Variants in CNGA3 observed in about 807,000 individuals in gnomAD.
CNGA3 encodes cyclic nucleotide-gated channel alpha-3.
A neutral mutation model predicts 46.6 loss-of-function variants in CNGA3; 42 were observed. The observed-to-expected ratio is 0.90, with a 90% CI of 0.70 to 1.17. The LOEUF (loss-of-function observed/expected upper bound fraction) is 1.17, where lower values mean the gene tolerates loss of function less well. CNGA3 is among the 50% of genes most tolerant of loss of function. The pLI, the probability that CNGA3 is intolerant of heterozygous loss-of-function variation, is 0.00. For synonymous variants in CNGA3, 394 were observed against 369.4 expected (o/e 1.07, Z -0.76); for missense variants, 893 against 890.7 (o/e 1.00, Z -0.03).
At chr2:98,360,424 G>A (rs34118499) in intron 1 of CNGA3, among the ~76,000 whole-genome samples, 1 of 152,098 alleles carries the variant, frequency 6.6e-6, no homozygotes, top group Non-Finnish European at 1.5e-5. Flanking sequence ...GGTGTAATTT[G>A]CCTGGAAATG....
chr2:98,383,699 A>C (rs1236040878), intron 5 of CNGA3, among the ~76,000 whole-genome samples: 1 of 152,194 alleles, frequency 6.6e-6, no homozygotes, highest in Non-Finnish European at 1.5e-5. Flanking sequence ...AAGCAAAGGA[A>C]TTGGATCAGA....
intron 5 of CNGA3, among the ~76,000 whole-genome samples, chr2:98,384,171 A>C (rs1172081963): frequency 2.0e-5 from 3 of 152,200 alleles, no homozygotes; most frequent in Admixed American, 6.5e-5. Context: ...TACAGGCATG[A>C]GCCACTGCGC....
chr2:98,355,024 T>C (rs1190419432), intron 1 of CNGA3, among the ~76,000 whole-genome samples: 6 of 152,242 alleles, frequency 3.9e-5, no homozygotes, highest in African/African-American at 1.2e-4. Context: ...CATGAAAGCA[T>C]GTTGGATTTT....
At chr2:98,367,473 C>T (rs565526015) in intron 1 of CNGA3, among the ~76,000 whole-genome samples, 22 of 152,116 alleles carry the variant, frequency 1.4e-4, no homozygotes, top group African/African-American at 5.3e-4. Flanking sequence ...GGATTACGGG[C>T]GTGAGCTACC....
chr2:98,366,783 C>T (rs947661481), intron 1 of CNGA3, among the ~76,000 whole-genome samples: 10 of 152,230 alleles, frequency 6.6e-5, no homozygotes, highest in African/African-American at 2.4e-4. Flanking sequence ...TGGCGGCCAC[C>T]CCTTTCCCCA....
chr2:98,366,382 G>A (rs1251093797), intron 1 of CNGA3, among the ~76,000 whole-genome samples: 1 of 152,234 alleles, frequency 6.6e-6, no homozygotes, highest in Non-Finnish European at 1.5e-5. Context: ...AGGAAGCACA[G>A]GATCAGGGAC....
chr2:98,389,524 T>G (rs1215889445), intron 5 of CNGA3, 134 bp from the exon 6 acceptor site: 4 of 802,810 alleles, frequency 5.0e-6, no homozygotes, highest in Non-Finnish European at 8.8e-6. Context: ...TGTGACTCCC[T>G]TGAGACTAAG....
At chr2:98,347,994 T>G (rs754744700) in intron 1 of CNGA3, among the ~76,000 whole-genome samples, 1 of 152,150 alleles carries the variant, frequency 6.6e-6, no homozygotes, top group African/African-American at 2.4e-5. Context: ...AGATGGTCAC[T>G]TGTGTGTGGT....
In CNGA3 at chr2:98,393,138, C is replaced by T. The variant is rs140033840; in HGVS notation, c.673+1168C>T. Among the ~76,000 whole-genome samples the T allele has an allele frequency of 2.7e-3, 411 of 152,130 alleles. 1 individual carries two copies. Among genetic ancestry groups the T allele is most frequent in the Non-Finnish European group, 4.7e-3 (318 of 67,984 alleles). On this transcript the variant is annotated intron_variant, in intron 7 of 7. Transcript: ENST00000272602. ...AATTAGCTGGACGTGTTGGTGTGTG[C>T]CTCAGGAGGCTGAGGTGAGAGGATT... is the stretch of plus-strand genomic sequence containing the variant.
chr2:98,370,099 T>C (rs1419724965), intron 2 of CNGA3, 23 bp downstream of exon 2: 2 of 1,548,622 alleles, frequency 1.3e-6, no homozygotes, highest in African/African-American at 1.4e-5. Context: ...AAGATGGGCT[T>C]TTCATTTTAT....
chr2:98,349,667 C>A (rs17429299), intron 1 of CNGA3, among the ~76,000 whole-genome samples: 17,644 of 152,164 alleles, frequency 0.12, 1,231 homozygotes, highest in Non-Finnish European at 0.16. Flanking sequence ...CTCAAAGAGA[C>A]CAGAAGCAAC....
intron 3 of CNGA3, chr2:98,378,241 G>A (rs573425525): frequency 1.3e-6 from 2 of 1,537,992 alleles, no homozygotes; most frequent in Non-Finnish European, 1.8e-6. Context: ...CCTTGCAAAA[G>A]CATTTGTTTG....
intron 1 of CNGA3, among the ~76,000 whole-genome samples, chr2:98,348,586 G>A (rs951337136): frequency 6.6e-6 from 1 of 151,996 alleles, no homozygotes; most frequent in Non-Finnish European, 1.5e-5. Context: ...TTCCCACAGC[G>A]TCCTGCTCAC....
At chr2:98,394,899 C>T (rs1692872105) in intron 7 of CNGA3, among the ~76,000 whole-genome samples, 1 of 152,176 alleles carries the variant, frequency 6.6e-6, no homozygotes, top group Non-Finnish European at 1.5e-5. Context: ...TCCTCCACTC[C>T]CTTCTTTTCA....
At chr2:98,373,655 GTC>G (rs1470499837) in intron 2 of CNGA3, among the ~76,000 whole-genome samples, 2 of 152,182 alleles carry the variant, frequency 1.3e-5, no homozygotes, top group Non-Finnish European at 2.9e-5. Flanking sequence ...CCAAAAATAA[GTC>G]TGAGTTTTCA....
chr2:98,382,073 C>T (rs772533415), intron 4 of CNGA3, among the ~76,000 whole-genome samples: 4 of 152,188 alleles, frequency 2.6e-5, no homozygotes, highest in Non-Finnish European at 1.5e-5. Context: ...GAGCTAGGAC[C>T]ATATCCAGGG....
intron 7 of CNGA3, among the ~76,000 whole-genome samples, chr2:98,395,260 C>G (rs1692883463): frequency 6.6e-6 from 1 of 152,136 alleles, no homozygotes; most frequent in East Asian, 1.9e-4. Context: ...CCCTCCACCT[C>G]CTGGGTTCAA....
In CNGA3 at chr2:98,396,717, G is replaced by A; in HGVS notation, c.1547G>A (p.Gly516Glu). ...TATATCTGCAAGAAGGGAGATATTG[G>A]GAAGGAGATGTACATCATCAACGAG... Reference protein sequence around the residue: ...GDYICKKGDIGKEMYIINEGK... With the variant: ...GDYICKKGDIEKEMYIINEGK... The change falls in exon 8 of 8, where the codon GGG (glycine) becomes GAG (glutamate). Residue 516 changes from glycine to glutamate, a missense_variant. Physicochemically the swap from Gly to Glu is moderately conservative, Grantham distance 98. Coordinates refer to ENST00000272602, the MANE Select transcript of CNGA3 (RefSeq NM_001298.3). 1.2e-6 allele frequency: 2 copies of A among 1,614,202 alleles called. No individual in the cohort carries two copies. Among genetic ancestry groups the A allele is most frequent in the South Asian group, 1.1e-5 (1 of 91,082 alleles).
At chr2:98,351,571 C>G (rs182226793) in intron 1 of CNGA3, among the ~76,000 whole-genome samples, 1 of 152,116 alleles carries the variant, frequency 6.6e-6, no homozygotes, top group South Asian at 2.1e-4. Context: ...TACCCATTCT[C>G]GGGTATGTCT....
Sources: allele counts gnomAD v4.1 joint callset (sites outside exome capture counted in the v4.1 genomes callset), GRCh38; gene constraint gnomAD v4.1.1; transcripts MANE v1.5; gene names NCBI Gene and HGNC (gene_info 2026-07-23, HGNC 2026-07-21).